Variants in STARD13 observed in about 807,000 individuals in gnomAD.
The protein encoded by STARD13 is StAR related lipid transfer domain containing 13.
Under a neutral mutation model 106.4 loss-of-function variants are expected in STARD13, and 62 were observed. That is an observed-to-expected ratio of 0.58 (90% CI 0.48 to 0.72). The LOEUF is 0.72. Among genes scored for constraint, STARD13 ranks in the 30% least tolerant of loss-of-function variants. STARD13 has a pLI of 0.00. For missense variants in STARD13, 1,387 were observed against 1,424.0 expected, an observed-to-expected ratio of 0.97 and a Z score of 0.42; for synonymous variants, 565 against 553.0, an observed-to-expected ratio of 1.02 and a Z score of -0.31.
chr13:33,125,244 T>C (rs1282530923), intron 7 of STARD13, among the ~76,000 whole-genome samples: 2 of 152,222 alleles, frequency 1.3e-5, no homozygotes, highest in Non-Finnish European at 2.9e-5. Context: ...ATTCTCTGCA[T>C]GGCATCAAAA....
the STARD13 span, among the ~76,000 whole-genome samples, chr13:33,433,839 A>T: frequency 6.6e-6 from 1 of 152,008 alleles, no homozygotes; most frequent in South Asian, 2.1e-4. Context: ...GTATTTCCTT[A>T]TTCTCTTCCC....
chr13:33,127,607 G>A (rs1018829044), intron 5 of STARD13, 61 bp from the exon 6 acceptor site: 15 of 1,471,524 alleles, frequency 1.0e-5, no homozygotes, highest in East Asian at 5.2e-5. Context: ...CGGGAAACAC[G>A]GGACATCACC....
chr13:33,112,175 C>T (rs759749098), intron 9 of STARD13, among the ~76,000 whole-genome samples: 9 of 152,162 alleles, frequency 5.9e-5, no homozygotes, highest in Non-Finnish European at 1.2e-4. Context: ...CTGCAAGCTC[C>T]TGTGCTTTGG....
the STARD13 span, among the ~76,000 whole-genome samples, chr13:33,459,297 CT>C: frequency 2.0e-5 from 3 of 152,298 alleles, no homozygotes; most frequent in South Asian, 6.2e-4. Flanking sequence ...CATGTGCCTT[CT>C]CTCGCTATAG....
chr13:33,640,826 T>C, the STARD13 span, among the ~76,000 whole-genome samples: 379 of 152,340 alleles, frequency 2.5e-3, 5 homozygotes, highest in African/African-American at 8.8e-3. Context: ...GGAATTGTTT[T>C]TCTTTTTTCC....
intron 1 of STARD13, among the ~76,000 whole-genome samples, chr13:33,341,270 C>A (rs1415531082): frequency 6.6e-6 from 1 of 152,166 alleles, no homozygotes; most frequent in Non-Finnish European, 1.5e-5. Flanking sequence ...ATATTAATTT[C>A]ATTAGACATG....
chr13:33,384,344 G>A, the STARD13 span, among the ~76,000 whole-genome samples: 1 of 152,198 alleles, frequency 6.6e-6, no homozygotes, highest in African/African-American at 2.4e-5. Flanking sequence ...CATGTTGCCA[G>A]CCAAGCTAAG....
At chr13:33,364,454 T>A in the STARD13 span, among the ~76,000 whole-genome samples, 1 of 152,026 alleles carries the variant, frequency 6.6e-6, no homozygotes, top group Non-Finnish European at 1.5e-5. Context: ...TATTTAAGAG[T>A]TTATCATGAA....
the STARD13 span, among the ~76,000 whole-genome samples, chr13:33,666,614 A>G: frequency 1.3e-5 from 2 of 151,846 alleles, no homozygotes; most frequent in African/African-American, 4.8e-5. Context: ...TTTAAGACAG[A>G]GTCACGCTCT....
the STARD13 span, among the ~76,000 whole-genome samples, chr13:33,387,784 C>G: frequency 6.6e-6 from 1 of 152,212 alleles, no homozygotes; most frequent in Non-Finnish European, 1.5e-5. Context: ...GGGCCTCTAT[C>G]CCCTGTATAG....
the STARD13 span, among the ~76,000 whole-genome samples, chr13:33,496,135 T>C: frequency 7.7e-6 from 1 of 129,248 alleles, no homozygotes; most frequent in Non-Finnish European, 1.7e-5. Flanking sequence ...AATATATTTA[T>C]AATCATTTTA....
the STARD13 span, among the ~76,000 whole-genome samples, chr13:33,521,587 C>T: frequency 1.0e-3 from 153 of 152,124 alleles, 1 homozygote; most frequent in African/African-American, 3.7e-3. Context: ...CTATTATAGA[C>T]AGTGGTAGTG....
intron 1 of STARD13, among the ~76,000 whole-genome samples, chr13:33,203,185 C>A (rs981259646): frequency 1.3e-5 from 2 of 152,150 alleles, no homozygotes; most frequent in African/African-American, 4.8e-5. Flanking sequence ...ATTCTAGGGG[C>A]CACCACACAC....
intron 1 of STARD13, among the ~76,000 whole-genome samples, chr13:33,331,719 A>C (rs1020068797): frequency 6.6e-6 from 1 of 151,998 alleles, no homozygotes; most frequent in Non-Finnish European, 1.5e-5. Flanking sequence ...AGTGTTAGTT[A>C]AAATTAGGGT....
At chr13:33,368,760 G>A in the STARD13 span, among the ~76,000 whole-genome samples, 2 of 152,092 alleles carry the variant, frequency 1.3e-5, no homozygotes, top group Non-Finnish European at 2.9e-5. Flanking sequence ...TATGAGGCAG[G>A]CCAACTAACC....
At chr13:33,170,789 C>T (rs879361162) in intron 1 of STARD13, among the ~76,000 whole-genome samples, 1 of 152,142 alleles carries the variant, frequency 6.6e-6, no homozygotes, top group Non-Finnish European at 1.5e-5. Flanking sequence ...CATCTTGATA[C>T]CTCAATTTAA....
chr13:33,647,115 C>G, the STARD13 span, among the ~76,000 whole-genome samples: 3 of 152,188 alleles, frequency 2.0e-5, 1 homozygote, highest in Non-Finnish European at 4.4e-5. Flanking sequence ...TAATGTTTGA[C>G]TAGTTCCTCC....
At chr13:33,255,198 C>T (rs574323544) in intron 1 of STARD13, among the ~76,000 whole-genome samples, 1 of 152,086 alleles carries the variant, frequency 6.6e-6, no homozygotes, top group South Asian at 2.1e-4. Context: ...TCTCCCGTTT[C>T]ACTGTGAATA....
intron 4 of STARD13, among the ~76,000 whole-genome samples, chr13:33,140,626 CT>C (rs113618214): frequency 5.3e-5 from 8 of 151,166 alleles, no homozygotes; most frequent in African/African-American, 9.7e-5. Context: ...ATTTGATCTT[CT>C]TTTTTTTTGG....
Sources: gnomAD v4.1 joint callset for allele counts (sites outside exome capture counted in the v4.1 genomes callset) on GRCh38, gnomAD v4.1.1 for gene constraint, MANE v1.5 for transcripts, NCBI Gene and HGNC (gene_info 2026-07-23, HGNC 2026-07-21) for gene names.